The following LHFPL5 variants were observed in gnomAD, a reference collection of about 807,000 sequenced individuals.
LHFPL5 encodes LHFPL tetraspan subfamily member 5 protein.
In LHFPL5, 12 loss-of-function variants were observed where a neutral mutation model predicts 18.7. The ratio of observed to expected loss-of-function variants is 0.64; its 90% CI spans 0.41 to 1.04. The LOEUF is 1.04. Among genes scored for constraint, LHFPL5 ranks in the 50% least tolerant of loss-of-function variants. The pLI is 0.00. For missense variants in LHFPL5, 259 were observed against 292.1 expected (o/e 0.89, Z 0.83); for synonymous variants, 111 against 120.2 (o/e 0.92, Z 0.50).
intron 1 of LHFPL5, among the ~76,000 whole-genome samples, chr6:35,813,685 T>C (rs2151070572): frequency 6.6e-6 from 1 of 152,168 alleles, no homozygotes; most frequent in South Asian, 2.1e-4. Context: ...CCTGTATACA[T>C]TAAATCTAAG....
intron 2 of LHFPL5, among the ~76,000 whole-genome samples, chr6:35,818,762 T>C (rs558928043): frequency 7.1e-5 from 5 of 70,128 alleles, no homozygotes; most frequent in Admixed American, 5.8e-4. Context: ...TAGTTCTCCC[T>C]TTTTTTTTTT....
At position 35,823,376 on chromosome 6, in the gene LHFPL5, CACACATATATAT is replaced by C. The variant is rs1408963734; in HGVS notation, c.*417_*428del. 0.036 allele frequency: 2,482 copies of C among 69,056 alleles called. 100 individuals are homozygous for C. The highest frequency in any genetic ancestry group is 0.11 in the African/African-American group (2,340 of 20,702). The allele number at this position is 69,056 out of a possible 1,614,324, so 4.3% of individuals were successfully genotyped here. A position where few individuals can be genotyped will look rare whatever the true frequency, so the allele number is the denominator to read the frequency against. ...AGGTCTGTGTCTGATAGCATACACA[CACACATATATAT>C]ACACACACACACACACACACACACA... On this transcript the variant is annotated 3_prime_UTR_variant, in exon 4 of 4. Coordinates refer to ENST00000360215, the MANE Select transcript of LHFPL5 (RefSeq NM_182548.4).
Position 35,805,733 on chromosome 6 carries a change from C to A in LHFPL5, c.63C>A (p.Asn21Lys). 2.5e-6 allele frequency: 4 copies of A among 1,614,228 alleles called. No homozygotes were observed. The highest frequency in any genetic ancestry group is 3.4e-6 in the Non-Finnish European group (4 of 1,180,030). Residue 21 changes from asparagine to lysine, a missense_variant, in exon 1 of 4, where the codon AAC becomes AAA. Transcript: ENST00000360215. The surrounding 1 kb of genome is among the most constrained non-coding windows in gnomAD (Gnocchi z 4.3). ...AKIYHTNYVR[N>K]SRAVGVMWGT... is the part of the protein sequence containing the mutation. ...TCTACCATACCAACTATGTGCGGAA[C>A]TCGCGAGCCGTGGGCGTGATGTGGG...
chr6:35,819,553 C>T, intron 3 of LHFPL5, 90 bp downstream of exon 3: 2 of 1,225,380 alleles, frequency 1.6e-6, no homozygotes, highest in Non-Finnish European at 2.4e-6. Flanking sequence ...ATCAGGACAC[C>T]AGGGGCTGGG....
At chr6:35,818,997 A>G (rs1641433510) in intron 2 of LHFPL5, among the ~76,000 whole-genome samples, 1 of 152,040 alleles carries the variant, frequency 6.6e-6, no homozygotes, top group Non-Finnish European at 1.5e-5. Context: ...ACACCTGGCT[A>G]ATTTTTTGTA....
chr6:35,821,696 G>A (rs1768870897), intron 3 of LHFPL5, among the ~76,000 whole-genome samples: 2 of 151,688 alleles, frequency 1.3e-5, no homozygotes, highest in Admixed American at 6.6e-5. Flanking sequence ...GGTCATGCTG[G>A]TCTCGAACTC....
intron 1 of LHFPL5, among the ~76,000 whole-genome samples, chr6:35,808,600 TA>T (rs1768614533): frequency 2.6e-5 from 3 of 114,776 alleles, no homozygotes; most frequent in South Asian, 5.2e-4. Flanking sequence ...TATATATATA[TA>T]TATATGAACA....
rs1390775202 is a variant in LHFPL5 at position 35,814,866 on chromosome 6, G to T, written c.649+84G>T. The T allele has an allele frequency of 3.9e-6, 5 of 1,272,118 alleles. No homozygotes were observed. The Admixed American group carries it at 5.0e-5, about 13-fold the overall frequency. 78.8% of individuals were successfully genotyped at this position (1,272,118 alleles called of 1,614,324 possible). ...GGTTCATCTTAGCCAGTCCTCTAAG[G>T]CTTGGTCCCTGGCCAAGGGATGGGG... On this transcript the variant is annotated intron_variant, in intron 2 of 3. Coordinates refer to ENST00000360215, the MANE Select transcript of LHFPL5 (RefSeq NM_182548.4). The surrounding 1 kb of genome is among the most constrained non-coding windows in gnomAD (Gnocchi z 4.2).
chr6:35,806,661 G>T (rs1768573789), intron 1 of LHFPL5, among the ~76,000 whole-genome samples: 1 of 152,156 alleles, frequency 6.6e-6, no homozygotes, highest in Non-Finnish European at 1.5e-5. Flanking sequence ...TTACTATTAT[G>T]CAGGGTATGA....
rs1357522787 is a variant in LHFPL5 at position 35,805,619 on chromosome 6, G to A, written c.-52G>A. The A allele has an allele frequency of 1.2e-6, 2 of 1,602,378 alleles. No individual in the cohort carries two copies. The highest frequency in any genetic ancestry group is 3.3e-5 in the Admixed American group (2 of 59,918). ...CTGCTTCTAGGCCTCCATCCACAAA[G>A]CTACGGACTTGCAGCCCACGGGACC... On this transcript the variant is annotated 5_prime_UTR_variant, in exon 1 of 4. Transcript: ENST00000360215. This position sits in a 1 kb window ranked among gnomAD's most constrained non-coding sequence, Gnocchi z 4.3.
intron 2 of LHFPL5, among the ~76,000 whole-genome samples, chr6:35,818,515 C>T (rs1015625947): frequency 6.6e-6 from 1 of 151,452 alleles, no homozygotes; most frequent in African/African-American, 2.4e-5. Flanking sequence ...CATACCACCA[C>T]ACTTGGCTTT....
In LHFPL5 at chr6:35,813,239, ATTT is replaced by A. The variant is rs35884324; in HGVS notation, c.413-1285_413-1283del. Among the ~76,000 whole-genome samples, 98 of 56,326 alleles carry A rather than the reference ATTT, an allele frequency of 1.7e-3. 2 individuals carry two copies. In the East Asian group the frequency reaches 0.036, roughly 20 times the overall value. 37.0% of individuals were successfully genotyped at this position (56,326 alleles called of 152,430 possible). On this transcript the variant is annotated intron_variant, in intron 1 of 3. Coordinates refer to ENST00000360215, the MANE Select transcript of LHFPL5 (RefSeq NM_182548.4). ...ACCCAACCATGACCTAGGAACTAGC[ATTT>A]TTTTTTTTTTTTTTTTTTTTTGAGA...
chr6:35,805,467 C>A lies in LHFPL5; in HGVS notation c.-204C>A. ...GCCTCGGCTAGAGCGGACACAGGCA[C>A]CTGGCAAGCTTTCCTTGACCAAATC... is the stretch of plus-strand genomic sequence containing the variant. On this transcript the variant is annotated 5_prime_UTR_variant, in exon 1 of 4. Transcript: ENST00000360215. This position sits in a 1 kb window ranked among gnomAD's most constrained non-coding sequence, Gnocchi z 4.3. 1 of 601,806 alleles carries A rather than the reference C, an allele frequency of 1.7e-6. No homozygotes were observed. The highest frequency in any genetic ancestry group is 2.8e-5 in the Admixed American group (1 of 35,472). The allele number at this position is 601,806 out of a possible 1,614,324, so 37.3% of individuals were successfully genotyped here. A position where few individuals can be genotyped will look rare whatever the true frequency, so the allele number is the denominator to read the frequency against.
At chr6:35,821,018 AT>A (rs369365251) in intron 3 of LHFPL5, among the ~76,000 whole-genome samples, 1 of 152,144 alleles carries the variant, frequency 6.6e-6, no homozygotes, top group African/African-American at 2.4e-5. Context: ...TAAAATGCAG[AT>A]TCTGCTGGGT....
In LHFPL5 at chr6:35,805,580, C is replaced by A; in HGVS notation, c.-91C>A. ...TGACCTCAGCCTCCTCCCCAAACCC[C>A]GCTGGGGAGTGACCTGCTTCTAGGC... On this transcript the variant is annotated 5_prime_UTR_variant, in exon 1 of 4. Coordinates refer to ENST00000360215, the MANE Select transcript of LHFPL5 (RefSeq NM_182548.4). This position sits in a 1 kb window ranked among gnomAD's most constrained non-coding sequence, Gnocchi z 4.3. 1 of 1,433,590 alleles carries A rather than the reference C, an allele frequency of 7.0e-7. No individual in the cohort carries two copies. The allele number at this position is 1,433,590 out of a possible 1,614,324, so 88.8% of individuals were successfully genotyped here.
intron 3 of LHFPL5, among the ~76,000 whole-genome samples, chr6:35,820,679 G>A (rs970013918): frequency 6.6e-6 from 1 of 150,550 alleles, no homozygotes; most frequent in Non-Finnish European, 1.5e-5. Flanking sequence ...CAGCTTGGGC[G>A]ACAAAGCGAG....
chr6:35,814,682 C>A lies in LHFPL5; in HGVS notation c.549C>A (p.Ile183=), dbSNP rs762328465. ...TCCGCTGGGCCTTCATGCTGGCCAT[C>A]CTCAGCATTGGCGACGCCCTCATCC... is the stretch of plus-strand genomic sequence containing the variant. ...CTIRWAFMLA[I]LSIGDALILS... The change falls in exon 2 of 4, where the codon ATC becomes ATA. Residue 183 remains isoleucine, a synonymous_variant. Transcript: ENST00000360215. The surrounding 1 kb of genome is among the most constrained non-coding windows in gnomAD (Gnocchi z 4.2). The A allele has an allele frequency of 1.2e-6, 2 of 1,614,174 alleles. No homozygotes were observed. Among genetic ancestry groups the A allele is most frequent in the South Asian group, 1.1e-5 (1 of 91,084 alleles).
chr6:35,816,743 C>G (rs574041255), intron 2 of LHFPL5, among the ~76,000 whole-genome samples: 1 of 147,888 alleles, frequency 6.8e-6, no homozygotes, highest in Non-Finnish European at 1.5e-5. Flanking sequence ...ACCCAGGGGG[C>G]AGAGCTTGCA....
At chr6:35,818,536 T>G (rs959520265) in intron 2 of LHFPL5, among the ~76,000 whole-genome samples, 2 of 150,868 alleles carry the variant, frequency 1.3e-5, no homozygotes, top group African/African-American at 4.9e-5. Context: ...TTAAAAAAAT[T>G]TTTTTTGTAG....
Sources: gnomAD v4.1 joint callset for allele counts (sites outside exome capture counted in the v4.1 genomes callset) on GRCh38, gnomAD v4.1.1 for gene constraint, Gnocchi (gnomAD v3.1) non-coding constraint, MANE v1.5 for transcripts, NCBI Gene and HGNC (gene_info 2026-07-23, HGNC 2026-07-21) for gene names.